Variants in TRAPPC10 observed in about 807,000 individuals in gnomAD.
TRAPPC10 encodes TRAPP 130 kDa subunit.
In TRAPPC10, 23 loss-of-function variants were observed where a neutral mutation model predicts 125.5. That is an observed-to-expected ratio of 0.18 (90% CI 0.13 to 0.26). The LOEUF (loss-of-function observed/expected upper bound fraction) is 0.26, where lower values mean the gene tolerates loss of function less well. Ranked by LOEUF, TRAPPC10 falls within the 10% of genes least tolerant of loss-of-function variation. The pLI is 1.00. For missense variants in TRAPPC10, 1,123 were observed against 1,308.4 expected, an observed-to-expected ratio of 0.86 and a Z score of 2.19; for synonymous variants, 509 against 518.0, an observed-to-expected ratio of 0.98 and a Z score of 0.24.
At position 44,052,488 on chromosome 21, in the gene TRAPPC10, T is replaced by G. The variant is rs1430431285; in HGVS notation, c.482+12T>G. The G allele has an allele frequency of 6.3e-7, 1 of 1,585,748 alleles. No homozygotes were observed. On this transcript the variant is annotated intron_variant, in intron 4 of 22. Coordinates refer to ENST00000291574, the MANE Select transcript of TRAPPC10 (RefSeq NM_003274.5). ...AAACAGAGTGACAGGTAAGTGTATC[T>G]TTAATTTTACCTCATTTGGTTAATA...
Position 44,032,223 on chromosome 21 carries a change from G to T in TRAPPC10, c.149+51G>T, listed in dbSNP as rs765722326. 4 of 1,436,380 alleles carry T rather than the reference G, an allele frequency of 2.8e-6. 1 individual carries two copies. The highest frequency in any genetic ancestry group is 1.2e-5 in the South Asian group (1 of 83,486). The allele number at this position is 1,436,380 out of a possible 1,614,324, so 89.0% of individuals were successfully genotyped here. On this transcript the variant is annotated intron_variant, in intron 2 of 22. Coordinates refer to ENST00000291574, the MANE Select transcript of TRAPPC10 (RefSeq NM_003274.5). ...TATCCCTCTCTTCATTTTTTAAAAT[G>T]AAGTACATGTTTTTAAATAAGTATA...
chr21:44,091,159 C>G (rs1457735138), intron 18 of TRAPPC10, among the ~76,000 whole-genome samples: 1 of 152,096 alleles, frequency 6.6e-6, no homozygotes, highest in Admixed American at 6.5e-5. Flanking sequence ...CCATTGCACC[C>G]CAGCCTGGGC....
chr21:44,050,890 G>A (rs2838473), intron 3 of TRAPPC10, among the ~76,000 whole-genome samples: 54,045 of 152,100 alleles, frequency 0.36, 13,037 homozygotes, highest in African/African-American at 0.69. Context: ...GAGAGGCTGG[G>A]TACAGAATTT....
chr21:44,062,919 T>A, intron 6 of TRAPPC10: 1 of 1,250,048 alleles, frequency 8.0e-7, no homozygotes, highest in Non-Finnish European at 1.0e-6. Context: ...TACATTGTTA[T>A]GCTTATTTTA....
intron 15 of TRAPPC10, among the ~76,000 whole-genome samples, chr21:44,085,950 C>T (rs1054875242): frequency 3.9e-5 from 6 of 152,334 alleles, no homozygotes; most frequent in African/African-American, 1.4e-4. Context: ...TCACAAAGGG[C>T]ATTTTTCTGT....
chr21:44,012,657 C>A, intron 1 of TRAPPC10, 97 bp downstream of exon 1: 2 of 1,148,704 alleles, frequency 1.7e-6, no homozygotes, highest in Non-Finnish European at 2.4e-6. Flanking sequence ...GCCCCCGGCG[C>A]GCTCCGGGCT....
intron 3 of TRAPPC10, chr21:44,046,542 G>A (rs1018243582): frequency 4.8e-5 from 8 of 165,236 alleles, no homozygotes; most frequent in African/African-American, 1.1e-4. Flanking sequence ...ATTGAATTTC[G>A]CTCTTGTTGC....
chr21:44,080,541 TTC>T (rs201542018), intron 13 of TRAPPC10, among the ~76,000 whole-genome samples: 1 of 151,246 alleles, frequency 6.6e-6, no homozygotes, highest in African/African-American at 2.5e-5. Flanking sequence ...TTTCTTCTTC[TTC>T]TTTTTTTTTT....
In TRAPPC10 at chr21:44,059,037, A is replaced by C; in HGVS notation, c.679-66A>C. 1 of 1,285,334 alleles carries C rather than the reference A, an allele frequency of 7.8e-7. No individual in the cohort carries two copies. 79.6% of individuals were successfully genotyped at this position (1,285,334 alleles called of 1,614,324 possible). A position where few individuals can be genotyped will look rare whatever the true frequency, so the allele number is the denominator to read the frequency against. On this transcript the variant is annotated intron_variant, in intron 5 of 22. Coordinates refer to ENST00000291574, the MANE Select transcript of TRAPPC10 (RefSeq NM_003274.5). The surrounding 1 kb of genome is among the most constrained non-coding windows in gnomAD (Gnocchi z 4.4). ...CCTTTCTCTGTCGTTTAATGGCTAC[A>C]TACTGTTTCTTCTATACATTGATTT...
rs1601683890 is a variant in TRAPPC10 at position 44,055,769 on chromosome 21, A to C, written c.554A>C (p.Lys185Thr). 2 of 1,613,818 alleles carry C rather than the reference A, an allele frequency of 1.2e-6. No individual in the cohort carries two copies. The highest frequency in any genetic ancestry group is 1.7e-6 in the Non-Finnish European group (2 of 1,179,796). Residue 185 changes from lysine to threonine, a missense_variant, in exon 5 of 23, where the codon AAA becomes ACA. This residue lies in a region of TRAPPC10 where 177 missense variants were observed against 228.9 expected (regional missense o/e 0.77). Transcript: ENST00000291574. ...TQESWNAFLT[K>T]LRTLLLMSFT... ...GAATCCTGGAATGCCTTCCTGACCA[A>C]ACTCAGGACATTGCTTCTTATGTCT...
At chr21:44,061,040 C>T (rs754943131) in intron 6 of TRAPPC10, among the ~76,000 whole-genome samples, 1 of 151,988 alleles carries the variant, frequency 6.6e-6, no homozygotes, top group Non-Finnish European at 1.5e-5. Flanking sequence ...TGATTTCAAG[C>T]GATTCTCTTG....
intron 18 of TRAPPC10, 75 bp downstream of exon 18, chr21:44,090,008 A>T (rs1481856592): frequency 2.9e-5 from 35 of 1,215,596 alleles, no homozygotes; most frequent in Non-Finnish European, 4.1e-5. Flanking sequence ...AATGTTCAAA[A>T]CTGGCCTTCG....
chr21:44,062,793 C>T (rs561780409), intron 6 of TRAPPC10: 12 of 985,418 alleles, frequency 1.2e-5, no homozygotes, highest in African/African-American at 1.0e-4. Flanking sequence ...GTGAAGGGAG[C>T]GTTTAACCAT....
chr21:44,058,559 G>GC (rs922357755), intron 5 of TRAPPC10, among the ~76,000 whole-genome samples: 5 of 152,374 alleles, frequency 3.3e-5, no homozygotes, highest in African/African-American at 1.2e-4. Context: ...CCATGTGTAA[G>GC]CCTGAGCTGT....
rs779167307 is a variant in TRAPPC10 at position 44,079,603 on chromosome 21, A to C, written c.1509A>C (p.Gln503His). 1 of 1,607,340 alleles carries C rather than the reference A, an allele frequency of 6.2e-7. No homozygotes were observed. Among genetic ancestry groups the C allele is most frequent in the South Asian group, 1.1e-5 (1 of 89,486 alleles). The change falls in exon 12 of 23, where the codon CAA (glutamine) becomes CAC (histidine). Residue 503 changes from glutamine (Q) to histidine (H), a missense_variant. By Grantham distance (24) the Gln-to-His change is conservative (BLOSUM62 0). Coordinates refer to ENST00000291574, the MANE Select transcript of TRAPPC10 (RefSeq NM_003274.5). ...KAPQKAEIYLQGALKNYLAEG... is the reference protein window; with the variant it reads ...KAPQKAEIYLHGALKNYLAEG... ...CACAAAAGGCAGAAATCTATCTTCAAGGAGCACTGAAAAACTACCTGGCTG... is the reference window on the plus strand; with the variant it reads ...CACAAAAGGCAGAAATCTATCTTCACGGAGCACTGAAAAACTACCTGGCTG...
rs1372798727 is a variant in TRAPPC10 at position 44,032,140 on chromosome 21, G to C, written c.117G>C (p.Gln39His). ...LFTSVYPTLS[Q>H]QLPREPMEWR... is the part of the protein sequence containing the mutation. ...CCTCTGTTTATCCAACGCTCTCTCA[G>C]CAGCTTCCAAGAGAACCAATGGAAT... Residue 39 changes from glutamine (Q) to histidine (H), a missense_variant, in exon 2 of 23, where the codon CAG becomes CAC. Physicochemically the swap from Gln to His is conservative, Grantham distance 24. This residue lies in a region of TRAPPC10 where 177 missense variants were observed against 228.9 expected (regional missense o/e 0.77). Transcript: ENST00000291574. The C allele has an allele frequency of 2.5e-6, 4 of 1,613,842 alleles. No homozygotes were observed. Among genetic ancestry groups the C allele is most frequent in the Non-Finnish European group, 3.4e-6 (4 of 1,179,950 alleles).
At chr21:44,083,520 GATATTTGTTCTTAGATT>G (rs1253974841) in intron 14 of TRAPPC10, among the ~76,000 whole-genome samples, 1 of 152,182 alleles carries the variant, frequency 6.6e-6, no homozygotes, top group Non-Finnish European at 1.5e-5. Context: ...TCTTAACGTA[GATATTTGTTCTTAGATT>G]AAGTTAGCTT....
chr21:44,075,441 T>G (rs1352182308), intron 9 of TRAPPC10, among the ~76,000 whole-genome samples: 2 of 152,164 alleles, frequency 1.3e-5, no homozygotes, highest in Non-Finnish European at 2.9e-5. Flanking sequence ...CACCACTGTC[T>G]CTCTGAATTA....
At position 44,081,028 on chromosome 21, in the gene TRAPPC10, T is replaced by C. The variant is rs185366267; in HGVS notation, c.1723+901T>C. ...TTCTTTTTTTTTTTCTTTTTTTTTT[T>C]TTTTTTTTTGACTATCTTGCTCTCT... On this transcript the variant is annotated intron_variant, in intron 13 of 22. Transcript: ENST00000291574. Among the ~76,000 whole-genome samples the C allele has an allele frequency of 5.9e-3, 820 of 139,526 alleles. 35 individuals are homozygous for C. Among genetic ancestry groups the C allele is most frequent in the Admixed American group, 0.049 (699 of 14,364 alleles). The allele number at this position is 139,526 out of a possible 152,430, so 91.5% of individuals were successfully genotyped here.
Sources: gnomAD v4.1 joint callset for allele counts (sites outside exome capture counted in the v4.1 genomes callset) on GRCh38, gnomAD v4.1.1 for gene constraint, gnomAD v4.1.1 regional missense constraint, Gnocchi (gnomAD v3.1) non-coding constraint, MANE v1.5 for transcripts, NCBI Gene and HGNC (gene_info 2026-07-23, HGNC 2026-07-21) for gene names.